The following STS variants were observed in gnomAD, a reference collection of about 807,000 sequenced individuals.
STS encodes the protein steryl-sulfatase.
A neutral mutation model predicts 26.8 loss-of-function variants in STS; 7 were observed. The observed-to-expected ratio is 0.26, with a 90% CI of 0.15 to 0.49. STS has a LOEUF of 0.49. Ranked by LOEUF, STS falls within the 20% of genes least tolerant of loss-of-function variation. The pLI, the probability that STS is intolerant of heterozygous loss-of-function variation, is 0.98. For synonymous variants in STS, 199 were observed against 189.4 expected (o/e 1.05, Z -0.42); for missense variants, 434 against 465.6 (o/e 0.93, Z 0.63).
intron 8 of STS, among the ~76,000 whole-genome samples, chrX:7,325,032 A>C (rs1927340583): frequency 9.0e-6 from 1 of 110,903 alleles, no homozygotes; most frequent in Non-Finnish European, 1.9e-5. Context: ...GAATTCCCTG[A>C]CTCCAGAGTC....
At chrX:7,328,846 C>T (rs1927612246) in intron 9 of STS, among the ~76,000 whole-genome samples, 1 of 111,349 alleles carries the variant, frequency 9.0e-6, no homozygotes, top group South Asian at 3.9e-4. Context: ...CAGGTGCGCA[C>T]CATCACGCCC....
chrX:7,289,556 C>G (rs762591029), intron 7 of STS, among the ~76,000 whole-genome samples: 1 of 111,832 alleles, frequency 8.9e-6, no homozygotes, highest in African/African-American at 3.2e-5. Flanking sequence ...ACTGTGCATC[C>G]TTCCCTGACC....
intron 2 of STS, among the ~76,000 whole-genome samples, chrX:7,242,418 G>A (rs929199387): frequency 3.4e-4 from 37 of 107,974 alleles, no homozygotes; most frequent in African/African-American, 1.1e-3. Flanking sequence ...CAGAAGGAGA[G>A]ACCCTGTCTC....
At chrX:7,205,641 CT>C (rs11318727) in intron 2 of STS, among the ~76,000 whole-genome samples, 3,026 of 87,863 alleles carry the variant, frequency 0.034, 48 homozygotes, top group African/African-American at 0.071. Flanking sequence ...TTTCTTTTTT[CT>C]TTTTTTTTTT....
chrX:7,230,257 A>G (rs1454981450), intron 2 of STS, among the ~76,000 whole-genome samples: 1 of 111,435 alleles, frequency 9.0e-6, no homozygotes, highest in Non-Finnish European at 1.9e-5. Context: ...ACTGTTGGGA[A>G]TGTGAAGTGG....
chrX:7,218,458 T>C (rs1601660978), intron 2 of STS, among the ~76,000 whole-genome samples: 1 of 112,322 alleles, frequency 8.9e-6, no homozygotes, highest in Non-Finnish European at 1.9e-5. Context: ...GCGGGATTGC[T>C]GACCTTGTAA....
intron 8 of STS, among the ~76,000 whole-genome samples, chrX:7,308,049 A>T (rs1186588830): frequency 8.9e-6 from 1 of 112,390 alleles, no homozygotes; most frequent in East Asian, 2.8e-4. Flanking sequence ...AAGGAACTCA[A>T]GATTTTTCCT....
chrX:7,150,866 A>G (rs763914720), intron 1 of STS, among the ~76,000 whole-genome samples: 19 of 112,394 alleles, frequency 1.7e-4, no homozygotes, highest in African/African-American at 5.8e-4. Flanking sequence ...GCTTTTCATA[A>G]TTCTCCAACA....
At chrX:7,280,789 T>C (rs1338210310) in intron 7 of STS, among the ~76,000 whole-genome samples, 1 of 112,543 alleles carries the variant, frequency 8.9e-6, no homozygotes, top group Non-Finnish European at 1.9e-5. Flanking sequence ...GAATCATAAA[T>C]CAGCCTTTGC....
intron 7 of STS, among the ~76,000 whole-genome samples, chrX:7,296,815 A>G (rs1331095698): frequency 3.6e-5 from 4 of 112,328 alleles, no homozygotes; most frequent in African/African-American, 1.3e-4. Context: ...AGGAGGGTAA[A>G]TCACACATTA....
In STS at chrX:7,349,879, A is replaced by C; in HGVS notation, c.1364-9A>C. On this transcript the variant is annotated splice_polypyrimidine_tract_variant and intron_variant, in intron 10 of 10. Transcript: ENST00000674429. ...TACCTAATGCCGTTTCCATCCTTTTAAACCACAGGCACATCCATCTGGAAG... is the reference window on the plus strand; with the variant it reads ...TACCTAATGCCGTTTCCATCCTTTTCAACCACAGGCACATCCATCTGGAAG... 1 of 1,211,587 alleles carries C rather than the reference A, an allele frequency of 8.3e-7. No homozygotes were observed. Among genetic ancestry groups the C allele is most frequent in the Admixed American group, 2.2e-5 (1 of 46,030 alleles).
chrX:7,179,296 C>A (rs1434022687), intron 1 of STS, among the ~76,000 whole-genome samples: 1 of 110,743 alleles, frequency 9.0e-6, no homozygotes, highest in Non-Finnish European at 1.9e-5. Context: ...TAGTCCTTCT[C>A]ATGAAGTGGT....
intron 2 of STS, among the ~76,000 whole-genome samples, chrX:7,245,418 T>G (rs1472983370): frequency 8.0e-5 from 9 of 112,342 alleles, no homozygotes; most frequent in African/African-American, 2.9e-4. Context: ...ACATACATTT[T>G]TGATTTAATG....
intron 2 of STS, among the ~76,000 whole-genome samples, chrX:7,247,089 A>G (rs1453430066): frequency 1.8e-5 from 2 of 112,214 alleles, no homozygotes; most frequent in Non-Finnish European, 3.8e-5. Context: ...ATTTTCCTCT[A>G]TCATAGAAAG....
At chrX:7,233,133 G>T (rs1369089645) in intron 2 of STS, among the ~76,000 whole-genome samples, 1 of 81,475 alleles carries the variant, frequency 1.2e-5, no homozygotes, top group East Asian at 3.9e-4. Flanking sequence ...TCACTTCTTC[G>T]CCCAGGCTGG....
intron 7 of STS, among the ~76,000 whole-genome samples, chrX:7,298,425 GA>G (rs1390961644): frequency 4.5e-5 from 5 of 111,729 alleles, no homozygotes; most frequent in Non-Finnish European, 7.5e-5. Context: ...TTTATTTCAG[GA>G]AGAAGTACTA....
At chrX:7,185,974 T>C (rs1363515450) in intron 1 of STS, among the ~76,000 whole-genome samples, 1 of 112,495 alleles carries the variant, frequency 8.9e-6, no homozygotes, top group Non-Finnish European at 1.9e-5. Flanking sequence ...TGTTAGGTGT[T>C]GTGAATGGCA....
Position 7,158,360 on chromosome X carries a change from G to A in STS, c.-134+10277G>A, listed in dbSNP as rs371508179. Reference sequence around the variant, plus strand: ...ACTTTTGCCCCACAAAATCTGCTGGGATGAGGAGGAAACTCCAGCAGAGAG... The same window carrying A: ...ACTTTTGCCCCACAAAATCTGCTGGAATGAGGAGGAAACTCCAGCAGAGAG... On this transcript the variant is annotated intron_variant, in intron 1 of 10. Transcript: ENST00000674429. 4.6e-3 allele frequency among the ~76,000 whole-genome samples: 515 copies of A among 111,879 alleles called. 3 individuals are homozygous for A. The highest frequency in any genetic ancestry group is 7.9e-3 in the Non-Finnish European group (420 of 53,168).
intron 2 of STS, among the ~76,000 whole-genome samples, chrX:7,204,814 C>G (rs1022333847): frequency 1.9e-5 from 2 of 105,340 alleles, no homozygotes; most frequent in Non-Finnish European, 3.9e-5. Context: ...GCCTTCCTTT[C>G]TTTCCATCCC....
Sources: allele counts gnomAD v4.1 joint callset (sites outside exome capture counted in the v4.1 genomes callset), GRCh38; gene constraint gnomAD v4.1.1; transcripts MANE v1.5; gene names NCBI Gene and HGNC (gene_info 2026-07-23, HGNC 2026-07-21).